Variants in NKAIN3 observed in about 807,000 individuals in gnomAD.
The protein encoded by NKAIN3 is sodium/potassium-transporting ATPase subunit beta-1-interacting protein 3.
In NKAIN3, 25 loss-of-function variants were observed where a neutral mutation model predicts 30.2. The observed-to-expected ratio is 0.83, with a 90% CI of 0.60 to 1.16. NKAIN3 has a LOEUF of 1.16. Ranked by LOEUF, NKAIN3 falls within the 50% of genes most tolerant of loss-of-function variation. The pLI, the probability that NKAIN3 is intolerant of heterozygous loss-of-function variation, is 0.00. For missense variants in NKAIN3, 225 were observed against 254.1 expected, an observed-to-expected ratio of 0.89 and a Z score of 0.78; for synonymous variants, 91 against 89.6, an observed-to-expected ratio of 1.02 and a Z score of -0.09.
Position 62,427,004 on chromosome 8 carries a change from G to A in NKAIN3, c.55-152535G>A, listed in dbSNP as rs184450908. 1.2e-3 allele frequency among the ~76,000 whole-genome samples: 184 copies of A among 152,066 alleles called. 1 individual carries two copies. Among genetic ancestry groups the A allele is most frequent in the Admixed American group, 3.7e-3 (56 of 15,238 alleles). ...CCCATGCTGGGGACTGTTGTATAAG[G>A]TGATACCCATAGAGCAGCACCTTCA... is the stretch of plus-strand genomic sequence containing the variant. On this transcript the variant is annotated intron_variant, in intron 1 of 6. Transcript: ENST00000623646.
chr8:62,252,554 C>T (rs1812142289), intron 1 of NKAIN3, among the ~76,000 whole-genome samples: 1 of 152,158 alleles, frequency 6.6e-6, no homozygotes, highest in Non-Finnish European at 1.5e-5. Flanking sequence ...TAGTTTTTCT[C>T]CAGGCTTCTG....
At chr8:62,960,728 G>GA (rs1823547200) in intron 6 of NKAIN3, among the ~76,000 whole-genome samples, 1 of 80,668 alleles carries the variant, frequency 1.2e-5, no homozygotes, top group African/African-American at 6.9e-5. Context: ...CAATACGCAG[G>GA]AAAAAAGCAC....
At chr8:62,483,580 C>T (rs1283266899) in intron 1 of NKAIN3, 2 of 173,724 alleles carry the variant, frequency 1.2e-5, no homozygotes, top group African/African-American at 4.8e-5. Context: ...AGTCGATGTT[C>T]GGGTGATAGA....
At chr8:62,749,714 C>CTTTTTTTTTTT (rs1554573755) in intron 4 of NKAIN3, among the ~76,000 whole-genome samples, 1 of 90,200 alleles carries the variant, frequency 1.1e-5, no homozygotes. Flanking sequence ...CGGAGTTTTG[C>CTTTTTTTTTTT]TCTTGTTGCC....
At chr8:62,689,976 A>G (rs1200014418) in intron 3 of NKAIN3, among the ~76,000 whole-genome samples, 2 of 151,692 alleles carry the variant, frequency 1.3e-5, no homozygotes, top group African/African-American at 4.8e-5. Flanking sequence ...AAATAAATAA[A>G]TAAATAAATA....
At chr8:62,880,921 C>T (rs899981880) in intron 4 of NKAIN3, among the ~76,000 whole-genome samples, 1 of 152,110 alleles carries the variant, frequency 6.6e-6, no homozygotes, top group Admixed American at 6.5e-5. Context: ...GCCATATACC[C>T]ACTCCCCACA....
chr8:62,967,299 G>A lies in NKAIN3; in HGVS notation c.*1892G>A, dbSNP rs533123821. On this transcript the variant is annotated 3_prime_UTR_variant, in exon 7 of 7. Coordinates refer to ENST00000623646, the MANE Select transcript of NKAIN3 (RefSeq NM_001304533.3). ...GGGTTTGGGTCCCATCCACCACCAT[G>A]TTCTTGGACAGTGTTTGCCATCTCT... Among the ~76,000 whole-genome samples the A allele has an allele frequency of 2.0e-5, 3 of 152,248 alleles. No individual in the cohort carries two copies. The South Asian group carries it at 6.2e-4, about 32-fold the overall frequency.
chr8:62,791,603 C>T (rs1817702935), intron 4 of NKAIN3, among the ~76,000 whole-genome samples: 1 of 152,020 alleles, frequency 6.6e-6, no homozygotes, highest in Non-Finnish European at 1.5e-5. Flanking sequence ...TATACTAGTT[C>T]CATTACAACA....
chr8:62,279,255 G>T (rs1358909401), intron 1 of NKAIN3, among the ~76,000 whole-genome samples: 1 of 152,098 alleles, frequency 6.6e-6, no homozygotes, highest in Non-Finnish European at 1.5e-5. Flanking sequence ...TGCGTTCTTT[G>T]TAGATTCTGG....
chr8:62,316,857 A>C lies in NKAIN3; in HGVS notation c.54+67730A>C, dbSNP rs552141157. On this transcript the variant is annotated intron_variant, in intron 1 of 6. Coordinates refer to ENST00000623646, the MANE Select transcript of NKAIN3 (RefSeq NM_001304533.3). Reference sequence around the variant, plus strand: ...TAGATCCTGAGGAATCGCCACACTAACTTCCACAATGGTTGAACTAGATTA... The same window carrying C: ...TAGATCCTGAGGAATCGCCACACTACCTTCCACAATGGTTGAACTAGATTA... Among the ~76,000 whole-genome samples the C allele has an allele frequency of 9.8e-4, 149 of 152,272 alleles. 3 individuals carry two copies. The East Asian group carries it at 0.026, about 27-fold the overall frequency.
rs149618017 is a variant in NKAIN3 at position 62,470,658 on chromosome 8, C to T, written c.55-108881C>T. On this transcript the variant is annotated intron_variant, in intron 1 of 6. Transcript: ENST00000623646. ...AGCAGAGATTTAGACAATGAAAATA[C>T]TGAAACATTGTTTTTCCCCCACCAG... is the stretch of plus-strand genomic sequence containing the variant. 1.9e-3 allele frequency among the ~76,000 whole-genome samples: 285 copies of T among 152,202 alleles called. 1 individual carries two copies. Among genetic ancestry groups the T allele is most frequent in the Middle Eastern group, 6.8e-3 (2 of 294 alleles).
chr8:62,352,768 C>T (rs530054196), intron 1 of NKAIN3, among the ~76,000 whole-genome samples: 3 of 152,134 alleles, frequency 2.0e-5, no homozygotes, highest in African/African-American at 7.2e-5. Flanking sequence ...GGTGAGCATG[C>T]GTGTCTCCCG....
At chr8:62,582,134 T>TCTTC (rs139118595) in intron 2 of NKAIN3, among the ~76,000 whole-genome samples, 50,970 of 119,604 alleles carry the variant, frequency 0.43, 10,021 homozygotes, top group African/African-American at 0.53. Flanking sequence ...TTCCTTCCTT[T>TCTTC]CTTCCTTCCT....
At chr8:62,479,288 G>A (rs1297060429) in intron 1 of NKAIN3, among the ~76,000 whole-genome samples, 1 of 152,102 alleles carries the variant, frequency 6.6e-6, no homozygotes, top group South Asian at 2.1e-4. Context: ...TAGGTTCTCT[G>A]ACAGGTACTC....
At chr8:62,903,511 G>T (rs1240809013) in intron 4 of NKAIN3, among the ~76,000 whole-genome samples, 1 of 152,046 alleles carries the variant, frequency 6.6e-6, no homozygotes, top group Non-Finnish European at 1.5e-5. Context: ...GATAGGCCTG[G>T]GTGACAGTTG....
At position 62,963,621 on chromosome 8, in the gene NKAIN3, AT is replaced by A. The variant is rs1005744744; in HGVS notation, c.604-1732del. ...AAATTCCTTCTAACGTAAAGATTGC[AT>A]AAAGCTATAAAATTCCACCATTATA... On this transcript the variant is annotated intron_variant, in intron 6 of 6. Coordinates refer to ENST00000623646, the MANE Select transcript of NKAIN3 (RefSeq NM_001304533.3). Among the ~76,000 whole-genome samples the A allele has an allele frequency of 2.3e-4, 35 of 152,222 alleles. 1 individual carries two copies.
chr8:62,531,344 C>T (rs765093728), intron 1 of NKAIN3, among the ~76,000 whole-genome samples: 9 of 152,172 alleles, frequency 5.9e-5, no homozygotes, highest in Non-Finnish European at 8.8e-5. Context: ...TAAATCTTTA[C>T]CTAACATGTC....
chr8:62,572,741 A>G (rs975622101), intron 1 of NKAIN3, among the ~76,000 whole-genome samples: 2 of 151,814 alleles, frequency 1.3e-5, no homozygotes, highest in African/African-American at 2.4e-5. Flanking sequence ...ATTAGATCTC[A>G]TGAGACTTAT....
intron 3 of NKAIN3, among the ~76,000 whole-genome samples, chr8:62,648,477 G>T (rs1198999813): frequency 6.6e-6 from 1 of 152,152 alleles, no homozygotes; most frequent in Non-Finnish European, 1.5e-5. Context: ...CCTTATGGGG[G>T]TTGCAGGAGG....
Sources: allele counts gnomAD v4.1 joint callset (sites outside exome capture counted in the v4.1 genomes callset), GRCh38; gene constraint gnomAD v4.1.1; transcripts MANE v1.5; gene names NCBI Gene and HGNC (gene_info 2026-07-23, HGNC 2026-07-21).